ARHGAP24: variants seen among roughly 807,000 people sequenced by gnomAD.
ARHGAP24 encodes the protein Rho GTPase activating protein 24, also known as rho GTPase-activating protein 24.
In ARHGAP24, 50 loss-of-function variants were observed where a neutral mutation model predicts 76.4. The observed-to-expected ratio is 0.65, with a 90% confidence interval of 0.52 to 0.83. The LOEUF (loss-of-function observed/expected upper bound fraction) is 0.83, where lower values mean the gene tolerates loss of function less well. ARHGAP24 is among the 40% of genes least tolerant of loss of function. The pLI is 0.00. For missense variants in ARHGAP24, 930 were observed against 914.2 expected, an observed-to-expected ratio of 1.02 and a Z score of -0.22; for synonymous variants, 345 against 323.3, an observed-to-expected ratio of 1.07 and a Z score of -0.72.
chr4:85,679,486 C>T (rs1314419572), intron 2 of ARHGAP24, among the ~76,000 whole-genome samples: 1 of 152,174 alleles, frequency 6.6e-6, no homozygotes, highest in Non-Finnish European at 1.5e-5. Flanking sequence ...AAAATCATTT[C>T]TTCAGAGAAG....
chr4:85,945,775 A>G (rs1188486402), intron 5 of ARHGAP24, among the ~76,000 whole-genome samples: 4 of 151,850 alleles, frequency 2.6e-5, no homozygotes, highest in African/African-American at 9.7e-5. Flanking sequence ...AAAAAAAAAA[A>G]AAAATTATAC....
Position 85,509,346 on chromosome 4 carries a change from TA to T in ARHGAP24, c.-21+33795del, listed in dbSNP as rs574035048. 3.2e-3 allele frequency among the ~76,000 whole-genome samples: 479 copies of T among 151,782 alleles called. 2 individuals are homozygous for T. Among genetic ancestry groups the T allele is most frequent in the South Asian group, 6.7e-3 (32 of 4,796 alleles). ...TGTACCCTAAAACTTAAAGTATAAT[TA>T]AAAAAAATTCTAATTTCTAGTATTT... is the stretch of plus-strand genomic sequence containing the variant. On this transcript the variant is annotated intron_variant, in intron 1 of 9. Transcript: ENST00000395184.
chr4:85,993,426 A>G (rs1740453512), intron 8 of ARHGAP24, among the ~76,000 whole-genome samples: 1 of 152,186 alleles, frequency 6.6e-6, no homozygotes, highest in Non-Finnish European at 1.5e-5. Flanking sequence ...GCAGTCGAAA[A>G]TATTATAAGT....
rs1327173051 is a variant in ARHGAP24 at position 86,001,585 on chromosome 4, TCTC to T, written c.*866_*868del. 7.6e-6 allele frequency: 3 copies of T among 396,190 alleles called. No individual in the cohort carries two copies. The highest frequency in any genetic ancestry group is 6.2e-5 in the African/African-American group (3 of 48,598). The allele number at this position is 396,190 out of a possible 1,614,324, so 24.5% of individuals were successfully genotyped here. A position where few individuals can be genotyped will look rare whatever the true frequency, so the allele number is the denominator to read the frequency against. ...AACTGCTGGATAGTTTTAGAGGAAT[TCTC>T]CTGCTACTTAGGTACTGGGAAACAA... On this transcript the variant is annotated 3_prime_UTR_variant, in exon 10 of 10. Transcript: ENST00000395184.
At chr4:85,610,491 C>A (rs1348553880) in intron 2 of ARHGAP24, among the ~76,000 whole-genome samples, 1 of 141,356 alleles carries the variant, frequency 7.1e-6, no homozygotes, top group Non-Finnish European at 1.5e-5. Flanking sequence ...AAGAAAGCAC[C>A]CTTATTGAGC....
At chr4:85,946,203 T>C (rs1175559877) in intron 5 of ARHGAP24, among the ~76,000 whole-genome samples, 2 of 152,216 alleles carry the variant, frequency 1.3e-5, no homozygotes. Flanking sequence ...CATGTGGGAA[T>C]TGTGGGAATT....
At chr4:85,730,310 G>A (rs1725352596) in intron 3 of ARHGAP24, among the ~76,000 whole-genome samples, 1 of 152,170 alleles carries the variant, frequency 6.6e-6, no homozygotes, top group African/African-American at 2.4e-5. Flanking sequence ...AATTCAGGGA[G>A]TTATTTACAA....
At chr4:85,944,699 C>A (rs527390021) in intron 5 of ARHGAP24, among the ~76,000 whole-genome samples, 1 of 152,216 alleles carries the variant, frequency 6.6e-6, no homozygotes, top group African/African-American at 2.4e-5. Context: ...TAGATATAAG[C>A]CCAACGCGTG....
chr4:85,555,862 G>C (rs1726337347), intron 1 of ARHGAP24, among the ~76,000 whole-genome samples: 1 of 50,632 alleles, frequency 2.0e-5, no homozygotes, highest in Admixed American at 2.9e-4. Flanking sequence ...GAGAGGCCAG[G>C]TGGCTCATGG....
At chr4:85,553,293 C>G (rs1258806030) in intron 1 of ARHGAP24, among the ~76,000 whole-genome samples, 1 of 152,164 alleles carries the variant, frequency 6.6e-6, no homozygotes, top group Non-Finnish European at 1.5e-5. Flanking sequence ...AGGGGACCCG[C>G]AGTGGGTTGC....
chr4:85,681,603 T>C (rs1723205040), intron 2 of ARHGAP24, among the ~76,000 whole-genome samples: 1 of 151,986 alleles, frequency 6.6e-6, no homozygotes, highest in East Asian at 1.9e-4. Flanking sequence ...AGTACCCGAG[T>C]TTTCTAGGAA....
intron 2 of ARHGAP24, among the ~76,000 whole-genome samples, chr4:85,598,226 G>T (rs999571408): frequency 3.3e-5 from 5 of 151,882 alleles, no homozygotes; most frequent in African/African-American, 1.2e-4. Context: ...TAAAATTTTA[G>T]CTGTCTTCCA....
chr4:85,797,316 G>A (rs2110100897), intron 3 of ARHGAP24, among the ~76,000 whole-genome samples: 1 of 152,120 alleles, frequency 6.6e-6, no homozygotes, highest in East Asian at 1.9e-4. Context: ...GGGACTACAG[G>A]CGCCCGCCAC....
chr4:85,755,088 G>A (rs182860454), intron 3 of ARHGAP24, among the ~76,000 whole-genome samples: 8 of 152,282 alleles, frequency 5.3e-5, no homozygotes, highest in Non-Finnish European at 1.0e-4. Flanking sequence ...ATTAGGCCCT[G>A]AAAGAAATAA....
chr4:85,526,866 C>T (rs140990024), intron 1 of ARHGAP24, among the ~76,000 whole-genome samples: 147 of 152,216 alleles, frequency 9.7e-4, no homozygotes, highest in African/African-American at 3.4e-3. Flanking sequence ...TAGATGCATA[C>T]GTATAATGTA....
intron 3 of ARHGAP24, among the ~76,000 whole-genome samples, chr4:85,819,412 G>A (rs1729376076): frequency 6.6e-6 from 1 of 151,728 alleles, no homozygotes; most frequent in Admixed American, 6.6e-5. Flanking sequence ...GCTCAGTTGG[G>A]GAAATGGCTG....
Position 85,849,217 on chromosome 4 carries a change from TGA to T in ARHGAP24, c.269-74427_269-74426del, listed in dbSNP as rs529594190. On this transcript the variant is annotated intron_variant, in intron 3 of 9. Transcript: ENST00000395184. ...TTATTCTCTTTGAAGCAATTGTGAA[TGA>T]GAGTTCACTCTTGATTTGGCTCTCT... 1.5e-4 allele frequency among the ~76,000 whole-genome samples: 22 copies of T among 150,246 alleles called. 1 individual carries two copies. In the South Asian group the frequency reaches 4.6e-3, roughly 32 times the overall value.
chr4:85,727,393 C>T (rs1402524630), intron 3 of ARHGAP24, among the ~76,000 whole-genome samples: 2 of 151,930 alleles, frequency 1.3e-5, no homozygotes, highest in African/African-American at 4.8e-5. Flanking sequence ...ATTTATAATA[C>T]AATATATAAT....
intron 2 of ARHGAP24, among the ~76,000 whole-genome samples, chr4:85,663,513 C>T (rs946546589): frequency 8.9e-4 from 133 of 148,898 alleles, no homozygotes; most frequent in African/African-American, 3.2e-3. Flanking sequence ...CCTTGATTTC[C>T]TTCTCCTGCC....
Sources: gnomAD v4.1 joint callset for allele counts (sites outside exome capture counted in the v4.1 genomes callset) on GRCh38, gnomAD v4.1.1 for gene constraint, MANE v1.5 for transcripts, NCBI Gene and HGNC (gene_info 2026-07-23, HGNC 2026-07-21) for gene names.